Variants in TCF12 observed in about 807,000 individuals in gnomAD.
TCF12 encodes DNA-binding protein HTF4.
Under a neutral mutation model 86.0 loss-of-function variants are expected in TCF12, and 45 were observed. The ratio of observed to expected loss-of-function variants is 0.52; its 90% CI spans 0.41 to 0.67. The LOEUF (loss-of-function observed/expected upper bound fraction) is 0.67, where lower values mean the gene tolerates loss of function less well. Among genes scored for constraint, TCF12 ranks in the 30% least tolerant of loss-of-function variants. The probability of loss-of-function intolerance (pLI) is 0.00; values close to 1 mark genes in which losing one functional copy is unlikely to be tolerated. For synonymous variants in TCF12, 330 were observed against 299.6 expected, an observed-to-expected ratio of 1.10 and a Z score of -1.05; for missense variants, 881 against 859.9, an observed-to-expected ratio of 1.02 and a Z score of -0.31.
intron 3 of TCF12, among the ~76,000 whole-genome samples, chr15:57,041,193 A>G (rs1389037631): frequency 6.6e-6 from 1 of 152,154 alleles, no homozygotes; most frequent in Non-Finnish European, 1.5e-5. Context: ...GAAAAGTACA[A>G]TAAAGATTAA....
chr15:57,024,521 G>A (rs1051387995), intron 3 of TCF12, among the ~76,000 whole-genome samples: 2 of 152,082 alleles, frequency 1.3e-5, no homozygotes, highest in African/African-American at 2.4e-5. Flanking sequence ...ACCCAAAAAA[G>A]GTTCTTGATC....
rs1287504820 is a variant in TCF12, at chr15:57,028,144, A to G, written c.149-35606A>G. Among the ~76,000 whole-genome samples the G allele has an allele frequency of 2.0e-5, 3 of 152,054 alleles. No individual in the cohort carries two copies. In the South Asian group the frequency reaches 6.2e-4, roughly 32 times the overall value. On this transcript the variant is annotated intron_variant, in intron 3 of 20. Coordinates refer to ENST00000333725, the MANE Select transcript of TCF12 (RefSeq NM_207037.2). ...ACACCCAGCTAGTTTTTGTATTTTT[A>G]GTAAGTAGAGACGGGGTTTCGCCAT...
intron 4 of TCF12, among the ~76,000 whole-genome samples, chr15:57,078,345 C>T (rs1271708856): frequency 6.6e-6 from 1 of 152,064 alleles, no homozygotes; most frequent in Non-Finnish European, 1.5e-5. Context: ...TCATCCTGTC[C>T]CCTAGACTAC....
chr15:56,938,538 G>A (rs529086623), intron 3 of TCF12, among the ~76,000 whole-genome samples: 17 of 152,100 alleles, frequency 1.1e-4, no homozygotes, highest in African/African-American at 3.9e-4. Flanking sequence ...ATTTAGGGAG[G>A]ATTCCCTCTT....
intron 8 of TCF12, among the ~76,000 whole-genome samples, chr15:57,220,788 A>G (rs2058555223): frequency 6.6e-6 from 1 of 152,180 alleles, no homozygotes; most frequent in Admixed American, 6.5e-5. Context: ...ACTAATGAAT[A>G]ACAGTGTTGG....
chr15:56,959,139 C>G (rs1567166130), intron 3 of TCF12, among the ~76,000 whole-genome samples: 1 of 152,098 alleles, frequency 6.6e-6, no homozygotes, highest in African/African-American at 2.4e-5. Context: ...TTGAAGTATT[C>G]TTAGGTCCAA....
In TCF12 at chr15:57,279,814, T is replaced by G. The variant is rs532844117; in HGVS notation, c.1979-2631T>G. ...ATCTCACATTCTCCTCTTTAAGTTT[T>G]ACATGCTAATCCATGCCATCTTCTC... On this transcript the variant is annotated intron_variant, in intron 19 of 20. Transcript: ENST00000333725. Among the ~76,000 whole-genome samples, 277 of 152,066 alleles carry G rather than the reference T, an allele frequency of 1.8e-3. 1 individual carries two copies. Among genetic ancestry groups the G allele is most frequent in the Non-Finnish European group, 2.7e-3 (183 of 68,004 alleles).
intron 3 of TCF12, among the ~76,000 whole-genome samples, chr15:56,989,462 A>G (rs762665356): frequency 1.3e-5 from 2 of 152,206 alleles, no homozygotes; most frequent in Non-Finnish European, 2.9e-5. Context: ...AAAACCAGGC[A>G]GCTGGGTGGA....
At chr15:57,290,334 A>ACC (rs1555423569), downstream of TCF12, among the ~76,000 whole-genome samples, 1 of 141,842 alleles carries the variant, frequency 7.1e-6, no homozygotes, top group Non-Finnish European at 1.5e-5. Context: ...CAAGAGCAAA[A>ACC]CTGTCTCAAA....
At chr15:57,005,854 G>A (rs1217327428) in intron 3 of TCF12, among the ~76,000 whole-genome samples, 1 of 152,174 alleles carries the variant, frequency 6.6e-6, no homozygotes, top group Non-Finnish European at 1.5e-5. Flanking sequence ...ACAGGTGTGA[G>A]CTACCACCCT....
At chr15:57,037,767 G>A (rs1376642251) in intron 3 of TCF12, among the ~76,000 whole-genome samples, 6 of 152,128 alleles carry the variant, frequency 3.9e-5, no homozygotes, top group Admixed American at 3.3e-4. Context: ...TGAATATGTA[G>A]TTGATCTTTC....
chr15:56,988,737 G>T (rs1174061032), intron 3 of TCF12, among the ~76,000 whole-genome samples: 1 of 152,144 alleles, frequency 6.6e-6, no homozygotes, highest in Non-Finnish European at 1.5e-5. Flanking sequence ...ATTAATTCCA[G>T]AGTAGTGACC....
rs759005564 is a variant in TCF12 at position 57,287,279 on chromosome 15, A to T, written c.*1134A>T. ...GGCAGGTAGTGTGATAAATGAACAC[A>T]CCACTCTGAGGCTAATTACCTAATG... On this transcript the variant is annotated 3_prime_UTR_variant, in exon 21 of 21. Transcript: ENST00000333725. 2 of 152,834 alleles carry T rather than the reference A, an allele frequency of 1.3e-5. No homozygotes were observed. The highest frequency in any genetic ancestry group is 2.4e-5 in the African/African-American group (1 of 41,466). The allele number at this position is 152,834 out of a possible 1,614,324, so 9.5% of individuals were successfully genotyped here. A position where few individuals can be genotyped will look rare whatever the true frequency, so the allele number is the denominator to read the frequency against.
intron 6 of TCF12, among the ~76,000 whole-genome samples, chr15:57,173,726 T>A (rs78638068): frequency 2.6e-5 from 4 of 151,886 alleles, no homozygotes; most frequent in South Asian, 4.2e-4. Flanking sequence ...TTTTTTTTTT[T>A]AGACAGAGTC....
Position 57,166,639 on chromosome 15 carries a change from A to G in TCF12, c.390+173A>G, listed in dbSNP as rs142151273. 2.6e-3 allele frequency among the ~76,000 whole-genome samples: 395 copies of G among 152,302 alleles called. 1 individual carries two copies. The highest frequency in any genetic ancestry group is 0.01 in the Middle Eastern group (3 of 294). ...TAAAATTGTTTCAGTTCCCCAGTTT[A>G]CCAGGCTGTCTTTATCATCAAAGAT... On this transcript the variant is annotated intron_variant, in intron 6 of 20. Transcript: ENST00000333725.
intron 3 of TCF12, among the ~76,000 whole-genome samples, chr15:56,957,204 T>C (rs1416443102): frequency 2.6e-5 from 4 of 152,246 alleles, no homozygotes; most frequent in Non-Finnish European, 4.4e-5. Flanking sequence ...CTTGTCGTTA[T>C]GAATTACCCA....
At chr15:56,990,504 A>G (rs2063398018) in intron 3 of TCF12, among the ~76,000 whole-genome samples, 1 of 152,086 alleles carries the variant, frequency 6.6e-6, no homozygotes, top group African/African-American at 2.4e-5. Context: ...TATATTTTAC[A>G]GGAACATTTA....
chr15:57,282,637 C>T, intron 20 of TCF12, 39 bp downstream of exon 20: 1 of 1,584,180 alleles, frequency 6.3e-7, no homozygotes, highest in Non-Finnish European at 8.6e-7. Flanking sequence ...AGGAAATAAC[C>T]TTAAGATTCA....
chr15:57,092,985 C>G (rs543371063), intron 5 of TCF12, among the ~76,000 whole-genome samples: 12 of 152,236 alleles, frequency 7.9e-5, no homozygotes, highest in African/African-American at 2.9e-4. Flanking sequence ...GTCGAGGAGA[C>G]AGAATCTGAT....
Sources: allele counts gnomAD v4.1 joint callset (sites outside exome capture counted in the v4.1 genomes callset), GRCh38; gene constraint gnomAD v4.1.1; transcripts MANE v1.5; gene names NCBI Gene and HGNC (gene_info 2026-07-23, HGNC 2026-07-21).